Variants in CFAP299 observed in about 807,000 individuals in gnomAD.
CFAP299 encodes the protein cilia- and flagella-associated protein 299.
In CFAP299, 21 loss-of-function variants were observed where a neutral mutation model predicts 27.0. The observed-to-expected ratio is 0.78, with a 90% CI of 0.55 to 1.12. The LOEUF (loss-of-function observed/expected upper bound fraction) is 1.12. Ranked by LOEUF, CFAP299 falls within the 50% of genes most tolerant of loss-of-function variation. The pLI, the probability that CFAP299 is intolerant of heterozygous loss-of-function variation, is 0.00. For missense variants in CFAP299, 310 were observed against 276.6 expected, an observed-to-expected ratio of 1.12 and a Z score of -0.86; for synonymous variants, 104 against 98.1, an observed-to-expected ratio of 1.06 and a Z score of -0.36.
chr4:80,394,105 C>T (rs1235627275), intron 2 of CFAP299, among the ~76,000 whole-genome samples: 1 of 152,144 alleles, frequency 6.6e-6, no homozygotes, highest in African/African-American at 2.4e-5. Context: ...TCACCTTCCT[C>T]CATGATTGTA....
intron 1 of CFAP299, among the ~76,000 whole-genome samples, chr4:80,341,370 C>T (rs1299293309): frequency 1.3e-5 from 2 of 152,176 alleles, no homozygotes; most frequent in African/African-American, 4.8e-5. Context: ...GCTCTTGATC[C>T]CATCCTTCCT....
intron 3 of CFAP299, among the ~76,000 whole-genome samples, chr4:80,799,822 A>C (rs1164247975): frequency 8.2e-5 from 2 of 24,410 alleles, no homozygotes; most frequent in African/African-American, 4.8e-4. Flanking sequence ...TATATATATT[A>C]TATATATTTA....
chr4:80,893,712 A>T (rs1216771438), intron 4 of CFAP299, among the ~76,000 whole-genome samples: 1 of 151,924 alleles, frequency 6.6e-6, no homozygotes, highest in African/African-American at 2.4e-5. Flanking sequence ...ATATAAAAAT[A>T]AACAAAATAG....
At chr4:80,737,135 G>C (rs2110060893) in intron 3 of CFAP299, among the ~76,000 whole-genome samples, 1 of 150,146 alleles carries the variant, frequency 6.7e-6, no homozygotes, top group East Asian at 2.0e-4. Context: ...GACACAGGAA[G>C]GGGAACATCA....
intron 2 of CFAP299, among the ~76,000 whole-genome samples, chr4:80,462,980 A>G (rs1200211609): frequency 6.6e-6 from 1 of 152,196 alleles, no homozygotes; most frequent in Non-Finnish European, 1.5e-5. Context: ...CAACAGAATC[A>G]GGACTAGATG....
chr4:80,941,243 G>A lies in CFAP299; in HGVS notation c.477-3567G>A, dbSNP rs137894093. Among the ~76,000 whole-genome samples the A allele has an allele frequency of 4.1e-3, 628 of 152,036 alleles. 2 individuals carry two copies. Among genetic ancestry groups the A allele is most frequent in the Middle Eastern group, 0.014 (4 of 294 alleles). ...TTTTTTCCCAAATATTTTTAATCCC[G>A]GGTTTTTATTTCATATCTGTGGAAT... On this transcript the variant is annotated intron_variant, in intron 4 of 5. Transcript: ENST00000358105.
chr4:80,492,485 T>C (rs1393015652), intron 2 of CFAP299, among the ~76,000 whole-genome samples: 1 of 152,138 alleles, frequency 6.6e-6, no homozygotes, highest in Non-Finnish European at 1.5e-5. Context: ...GTAAAATAGA[T>C]GGGACTAACA....
intron 3 of CFAP299, among the ~76,000 whole-genome samples, chr4:80,623,512 CA>C (rs1205382701): frequency 6.6e-6 from 1 of 152,244 alleles, no homozygotes; most frequent in Non-Finnish European, 1.5e-5. Flanking sequence ...TATCCATACA[CA>C]AAAATATTCT....
chr4:80,387,145 G>A, intron 2 of CFAP299: 1 of 1,386,974 alleles, frequency 7.2e-7, no homozygotes, highest in Non-Finnish European at 1.0e-6. Flanking sequence ...CACACTTGTA[G>A]ACGGCACTGC....
intron 1 of CFAP299, 84 bp downstream of exon 1, chr4:80,335,963 C>T (rs1722118508): frequency 1.1e-6 from 1 of 883,194 alleles, no homozygotes; most frequent in South Asian, 1.3e-5. Flanking sequence ...CTGGTCGCCC[C>T]CTGGCGCTGG....
intron 5 of CFAP299, among the ~76,000 whole-genome samples, chr4:80,946,871 G>T (rs1737505295): frequency 6.6e-6 from 1 of 152,098 alleles, no homozygotes; most frequent in Non-Finnish European, 1.5e-5. Context: ...CATTTCCTTA[G>T]AAGTCTAAAC....
intron 2 of CFAP299, among the ~76,000 whole-genome samples, chr4:80,503,922 A>G (rs1731865046): frequency 6.6e-6 from 1 of 152,180 alleles, no homozygotes; most frequent in African/African-American, 2.4e-5. Flanking sequence ...CATGTAATTT[A>G]TTGAGCATCT....
intron 3 of CFAP299, among the ~76,000 whole-genome samples, chr4:80,690,457 G>A (rs1163879119): frequency 3.3e-5 from 5 of 152,002 alleles, no homozygotes; most frequent in Admixed American, 6.6e-5. Context: ...GGTACATAAC[G>A]AAATGAAGGC....
intron 3 of CFAP299, among the ~76,000 whole-genome samples, chr4:80,829,017 A>G (rs542993935): frequency 6.6e-6 from 1 of 151,986 alleles, no homozygotes; most frequent in Non-Finnish European, 1.5e-5. Flanking sequence ...TCATAACACT[A>G]TATTTGCAAT....
At chr4:80,588,916 C>G (rs1456796017) in intron 3 of CFAP299, among the ~76,000 whole-genome samples, 1 of 152,008 alleles carries the variant, frequency 6.6e-6, no homozygotes, top group African/African-American at 2.4e-5. Flanking sequence ...TTTTGAGGCA[C>G]GAAGAGGTTG....
intron 1 of CFAP299, 93 bp downstream of exon 1, chr4:80,335,972 G>A (rs2109961784): frequency 2.5e-6 from 2 of 806,710 alleles, no homozygotes; most frequent in East Asian, 2.5e-5. Flanking sequence ...CCCTGGCGCT[G>A]GACAGCTCAG....
intron 2 of CFAP299, among the ~76,000 whole-genome samples, chr4:80,401,606 A>G (rs1726161862): frequency 6.6e-6 from 1 of 152,230 alleles, no homozygotes; most frequent in African/African-American, 2.4e-5. Flanking sequence ...CTGAATGCCC[A>G]GGCAAAAGTT....
chr4:80,381,981 T>A (rs1304581478), intron 2 of CFAP299, among the ~76,000 whole-genome samples: 1 of 152,216 alleles, frequency 6.6e-6, no homozygotes, highest in Admixed American at 6.5e-5. Context: ...AATGTGTATA[T>A]CTTATGACAA....
intron 5 of CFAP299, among the ~76,000 whole-genome samples, chr4:80,962,424 C>G (rs940057443): frequency 3.3e-5 from 5 of 151,864 alleles, no homozygotes; most frequent in African/African-American, 1.2e-4. Context: ...AATTATTTTG[C>G]ATCTTTGTGG....
Sources: gnomAD v4.1 joint callset for allele counts (sites outside exome capture counted in the v4.1 genomes callset) on GRCh38, gnomAD v4.1.1 for gene constraint, MANE v1.5 for transcripts, NCBI Gene and HGNC (gene_info 2026-07-23, HGNC 2026-07-21) for gene names.